The following PIWIL1 variants were observed in gnomAD, a reference collection of about 807,000 sequenced individuals.
PIWIL1 encodes piwi-like protein 1.
A neutral mutation model predicts 114.4 loss-of-function variants in PIWIL1; 73 were observed. The ratio of observed to expected loss-of-function variants is 0.64; its 90% CI spans 0.53 to 0.78. The LOEUF is 0.78. Ranked by LOEUF, PIWIL1 falls within the 30% of genes least tolerant of loss-of-function variation. The pLI, the probability that PIWIL1 is intolerant of heterozygous loss-of-function variation, is 0.00. For synonymous variants in PIWIL1, 375 were observed against 369.0 expected (o/e 1.02, Z -0.19); for missense variants, 723 against 1,063.1 (o/e 0.68, Z 4.45).
downstream of PIWIL1, among the ~76,000 whole-genome samples, chr12:130,377,317 G>T (rs1461761661): frequency 1.3e-5 from 2 of 152,148 alleles, no homozygotes; most frequent in African/African-American, 4.8e-5. Context: ...TATTTCCTGG[G>T]CATGTTAAAG....
At chr12:130,393,067 A>G in the PIWIL1 span, among the ~76,000 whole-genome samples, 7 of 143,206 alleles carry the variant, frequency 4.9e-5, no homozygotes, top group South Asian at 1.6e-3. Context: ...GTGCATATTG[A>G]ATGTTGTGAT....
At chr12:130,362,557 A>G (rs1179219345) in intron 16 of PIWIL1, among the ~76,000 whole-genome samples, 1 of 152,208 alleles carries the variant, frequency 6.6e-6, no homozygotes, top group Non-Finnish European at 1.5e-5. Flanking sequence ...ATGAAAACAG[A>G]CACAGTTTGT....
At chr12:130,422,628 C>A in the PIWIL1 span, 1 of 1,160,364 alleles carries the variant, frequency 8.6e-7, no homozygotes, top group Non-Finnish European at 1.2e-6. This position sits in a 1 kb window ranked among gnomAD's most constrained non-coding sequence, Gnocchi z 5.2. Context: ...TTCAGTTAGC[C>A]AAATCAAGCG....
At chr12:130,397,456 T>C in the PIWIL1 span, 1 of 399,072 alleles carries the variant, frequency 2.5e-6, no homozygotes, top group Non-Finnish European at 4.4e-6. Flanking sequence ...CTCCCAGGAC[T>C]ACCAGAACCC....
intron 9 of PIWIL1, among the ~76,000 whole-genome samples, chr12:130,353,168 C>A (rs1370625940): frequency 1.3e-5 from 2 of 152,000 alleles, no homozygotes; most frequent in Non-Finnish European, 2.9e-5. Flanking sequence ...GTGGTTTGTT[C>A]TTCTGGTGTG....
At chr12:130,408,118 C>T in the PIWIL1 span, among the ~76,000 whole-genome samples, 2 of 152,302 alleles carry the variant, frequency 1.3e-5, no homozygotes, top group East Asian at 3.9e-4. Flanking sequence ...ACATGAAGCA[C>T]GGGGCTCTCG....
At chr12:130,354,248 A>C (rs571725847) in intron 9 of PIWIL1, among the ~76,000 whole-genome samples, 1 of 152,298 alleles carries the variant, frequency 6.6e-6, no homozygotes, top group South Asian at 2.1e-4. Context: ...GAAATAAAAA[A>C]TTAAGCAATG....
At position 130,363,095 on chromosome 12, in the gene PIWIL1, G is replaced by A; in HGVS notation, c.2146G>A (p.Glu716Lys). 1.9e-6 allele frequency: 3 copies of A among 1,614,228 alleles called. No homozygotes were observed. The highest frequency in any genetic ancestry group is 2.5e-6 in the Non-Finnish European group (3 of 1,180,036). The change falls in exon 18 of 21, where the codon GAA (glutamate) becomes AAA (lysine). Residue 716 changes from glutamate to lysine, a missense_variant. By Grantham distance (56) the Glu-to-Lys change is moderately conservative. Transcript: ENST00000245255. Reference protein sequence around the residue: ...DGQLKTLVNYEVPQFLDCLKS... With the variant: ...DGQLKTLVNYKVPQFLDCLKS... The stretch of plus-strand genomic sequence containing the variant: ...CCAGCTGAAAACACTGGTGAACTAC[G>A]AAGTGCCACAGTTTTTGGATTGTCT...
downstream of PIWIL1, among the ~76,000 whole-genome samples, chr12:130,373,180 A>T (rs2073841374): frequency 6.6e-6 from 1 of 152,250 alleles, no homozygotes; most frequent in Admixed American, 6.5e-5. Flanking sequence ...GAACAGTGTG[A>T]CCTTCAAAAG....
the PIWIL1 span, chr12:130,422,690 G>C: frequency 1.5e-6 from 1 of 667,408 alleles, no homozygotes; most frequent in Non-Finnish European, 2.6e-6. The surrounding 1 kb of genome is among the most constrained non-coding windows in gnomAD (Gnocchi z 5.2). Flanking sequence ...TTAACTGAAA[G>C]GTTAGCTGAA....
Position 130,372,633 on chromosome 12 carries a change from A to C in PIWIL1, c.*1035A>C, listed in dbSNP as rs2136205845. On this transcript the variant is annotated 3_prime_UTR_variant, in exon 21 of 21. Coordinates refer to ENST00000245255, the MANE Select transcript of PIWIL1 (RefSeq NM_004764.5). Reference sequence around the variant, plus strand: ...AAAAAAAAAAAAAAAAAAAAAAAAAAAAAAAAGCTCAATTAGTGTCTCTTA... The same window carrying C: ...AAAAAAAAAAAAAAAAAAAAAAAAACAAAAAAGCTCAATTAGTGTCTCTTA... 1 of 124,690 alleles carries C rather than the reference A, an allele frequency of 8.0e-6. No homozygotes were observed. Among genetic ancestry groups the C allele is most frequent in the Middle Eastern group, 4.3e-3 (1 of 232 alleles). 7.7% of individuals were successfully genotyped at this position (124,690 alleles called of 1,614,324 possible). A position where few individuals can be genotyped will look rare whatever the true frequency, so the allele number is the denominator to read the frequency against.
chr12:130,362,873 A>G, intron 17 of PIWIL1, 37 bp downstream of exon 17: 1 of 1,611,510 alleles, frequency 6.2e-7, no homozygotes, highest in Non-Finnish European at 8.5e-7. Flanking sequence ...TACTCTCTAA[A>G]CTGGGGTCTT....
chr12:130,343,621 C>CTTTTTT (rs533583982), intron 3 of PIWIL1, among the ~76,000 whole-genome samples: 2 of 116,502 alleles, frequency 1.7e-5, no homozygotes, highest in Non-Finnish European at 3.5e-5. Context: ...TTGAAGGATT[C>CTTTTTT]TTTTTTTTTT....
rs767408159 is a variant in PIWIL1, at chr12:130,355,540, GT to G, written c.1290-11del. 3.2e-6 allele frequency: 5 copies of G among 1,575,038 alleles called. No homozygotes were observed. In the South Asian group the frequency reaches 5.5e-5, roughly 17 times the overall value. ...TCTTTGTTGAGTCGCATGTAAATGT[GT>G]TAAATTTACAGAAACGATAATGTTC... is the stretch of plus-strand genomic sequence containing the variant. On this transcript the variant is annotated splice_polypyrimidine_tract_variant and intron_variant, in intron 11 of 20. Transcript: ENST00000245255.
chr12:130,406,996 C>T, the PIWIL1 span, among the ~76,000 whole-genome samples: 2 of 152,168 alleles, frequency 1.3e-5, no homozygotes, highest in African/African-American at 4.8e-5. Flanking sequence ...CCAAAGCAGG[C>T]GGTGTCAAAC....
intron 18 of PIWIL1, among the ~76,000 whole-genome samples, chr12:130,366,899 C>T (rs1450015218): frequency 6.6e-6 from 1 of 152,178 alleles, no homozygotes; most frequent in Non-Finnish European, 1.5e-5. Context: ...GATAAACCAT[C>T]TACATGACCG....
chr12:130,418,086 A>G, the PIWIL1 span, among the ~76,000 whole-genome samples: 5 of 152,324 alleles, frequency 3.3e-5, no homozygotes, highest in Middle Eastern at 3.4e-3. Context: ...TGGAGAAAGA[A>G]CCAAACCGTT....
In PIWIL1 at chr12:130,369,145, G is replaced by A. The variant is rs560360296; in HGVS notation, c.2321+1887G>A. Among the ~76,000 whole-genome samples, 4 of 152,240 alleles carry A rather than the reference G, an allele frequency of 2.6e-5. No homozygotes were observed. The East Asian group carries it at 7.7e-4, about 29-fold the overall frequency. ...TTCTGCTTATAAGTGAGAACATGCGGTGTTAAGTTTTCTGTTCCTGCATTA... is the reference window on the plus strand; with the variant it reads ...TTCTGCTTATAAGTGAGAACATGCGATGTTAAGTTTTCTGTTCCTGCATTA... On this transcript the variant is annotated intron_variant, in intron 19 of 20. Transcript: ENST00000245255.
intron 18 of PIWIL1, among the ~76,000 whole-genome samples, chr12:130,363,347 C>T (rs375347195): frequency 6.6e-6 from 1 of 152,120 alleles, no homozygotes; most frequent in African/African-American, 2.4e-5. Context: ...TATAGAGGGT[C>T]ATTCCTTCAC....
Sources: gnomAD v4.1 joint callset for allele counts (sites outside exome capture counted in the v4.1 genomes callset) on GRCh38, gnomAD v4.1.1 for gene constraint, Gnocchi (gnomAD v3.1) non-coding constraint, MANE v1.5 for transcripts, NCBI Gene and HGNC (gene_info 2026-07-23, HGNC 2026-07-21) for gene names.